The following BMX variants were observed in gnomAD, a reference collection of about 807,000 sequenced individuals.
BMX encodes BMX non-receptor tyrosine kinase, also known as cytoplasmic tyrosine-protein kinase BMX.
A neutral mutation model predicts 59.2 loss-of-function variants in BMX; 31 were observed. That is an observed-to-expected ratio of 0.52 (90% CI 0.39 to 0.71). BMX has a LOEUF of 0.71. BMX is among the 30% of genes least tolerant of loss of function. The probability of loss-of-function intolerance (pLI) is 0.00; values close to 1 mark genes in which losing one functional copy is unlikely to be tolerated. For synonymous variants in BMX, 185 were observed against 181.0 expected (o/e 1.02, Z -0.18); for missense variants, 474 against 491.7 (o/e 0.96, Z 0.34).
intron 3 of BMX, among the ~76,000 whole-genome samples, 178 bp downstream of exon 3, chrX:15,509,611 T>C (rs1923872218): frequency 9.0e-6 from 1 of 110,923 alleles, no homozygotes; most frequent in African/African-American, 3.3e-5. Context: ...CTGCCTTCCC[T>C]GGAGGGAAGG....
chrX:15,503,852 A>G (rs1035078477), intron 1 of BMX, among the ~76,000 whole-genome samples: 2 of 112,042 alleles, frequency 1.8e-5, no homozygotes. Flanking sequence ...ATAAGCAGGG[A>G]ATGATGTTAC....
intron 17 of BMX, among the ~76,000 whole-genome samples, chrX:15,548,388 CAG>C (rs1361715243): frequency 2.7e-5 from 3 of 110,784 alleles, no homozygotes; most frequent in Non-Finnish European, 5.7e-5. Flanking sequence ...ACCTGGGAGG[CAG>C]AGTTTACAGT....
At chrX:15,522,260 T>C in intron 6 of BMX, 86 bp from the exon 7 acceptor site, 1 of 1,083,919 alleles carries the variant, frequency 9.2e-7, no homozygotes. Context: ...TCTCTCTCTT[T>C]CAAGAGCTGA....
chrX:15,519,275 C>A (rs1474639022), intron 6 of BMX, among the ~76,000 whole-genome samples: 1 of 112,100 alleles, frequency 8.9e-6, no homozygotes, highest in Admixed American at 9.4e-5. Flanking sequence ...TTCGCACACA[C>A]TTCTCTCTTT....
chrX:15,552,100 G>C (rs1215277299), intron 18 of BMX, among the ~76,000 whole-genome samples: 1 of 112,041 alleles, frequency 8.9e-6, no homozygotes, highest in African/African-American at 3.2e-5. Context: ...TTTTTACTTT[G>C]TCCTTTGCTA....
intron 4 of BMX, among the ~76,000 whole-genome samples, chrX:15,512,934 C>T (rs965311821): frequency 1.8e-5 from 2 of 111,184 alleles, no homozygotes; most frequent in Admixed American, 1.9e-4. Context: ...CTGAGCAGCT[C>T]ATGTGAAGAC....
chrX:15,537,413 G>GT, intron 14 of BMX, 108 bp downstream of exon 14: 1 of 806,821 alleles, frequency 1.2e-6, no homozygotes, highest in Non-Finnish European at 1.8e-6. Context: ...TCCACATACT[G>GT]TATCATAGAC....
In BMX at chrX:15,549,822, C is replaced by T; in HGVS notation, c.1796-18C>T. ...CTCTCTTCCTTTTTTATCTGGGCCA[C>T]CTCTTGGTGTGGTGCAGGGATCCTG... On this transcript the variant is annotated intron_variant, in intron 17 of 18. Coordinates refer to ENST00000348343, the MANE Select transcript of BMX (RefSeq NM_203281.3). The T allele has an allele frequency of 2.5e-6, 3 of 1,191,215 alleles. No individual in the cohort carries two copies. The highest frequency in any genetic ancestry group is 2.3e-6 in the Non-Finnish European group (2 of 883,610).
chrX:15,513,058 G>T (rs1924023121), intron 4 of BMX, among the ~76,000 whole-genome samples: 1 of 112,566 alleles, frequency 8.9e-6, no homozygotes, highest in South Asian at 3.6e-4. Flanking sequence ...TAAGTGGTTT[G>T]TCTCTATGCA....
chrX:15,503,285 G>A (rs1456646010), intron 1 of BMX, among the ~76,000 whole-genome samples: 1 of 111,998 alleles, frequency 8.9e-6, no homozygotes, highest in African/African-American at 3.3e-5. Context: ...TTCAAATTTT[G>A]CTATTTAACA....
At chrX:15,503,657 T>G (rs1189296456) in intron 1 of BMX, among the ~76,000 whole-genome samples, 1 of 111,961 alleles carries the variant, frequency 8.9e-6, no homozygotes, top group Non-Finnish European at 1.9e-5. Context: ...ATGACTGCCT[T>G]CCTGTATTTA....
Position 15,542,288 on chromosome X carries a change from G to T in BMX, c.1611+90G>T. 8 of 842,455 alleles carry T rather than the reference G, an allele frequency of 9.5e-6. No homozygotes were observed. In the South Asian group the frequency reaches 1.8e-4, roughly 19 times the overall value. 69.4% of individuals were successfully genotyped at this position (842,455 alleles called of 1,213,427 possible). ...GGGTCACTGGTAGGGAAGGCAAGAA[G>T]GGCACCATCACTTCTACTTTGCTCA... On this transcript the variant is annotated intron_variant, in intron 15 of 18. Transcript: ENST00000348343.
rs1477659463 is a variant in BMX at position 15,527,216 on chromosome X, A to C, written c.884+1121A>C. 3.7e-5 allele frequency among the ~76,000 whole-genome samples: 3 copies of C among 80,530 alleles called. No individual in the cohort carries two copies. The Admixed American group carries it at 4.2e-4, about 11-fold the overall frequency. 69.9% of individuals were successfully genotyped at this position (80,530 alleles called of 115,157 possible). On this transcript the variant is annotated intron_variant, in intron 9 of 18. Coordinates refer to ENST00000348343, the MANE Select transcript of BMX (RefSeq NM_203281.3). ...CTCAAAAAAAAAAAAAAAAAAAAAA[A>C]ACAACACAAACACACACACACACAC...
At chrX:15,543,997 A>T (rs905971626) in intron 16 of BMX, among the ~76,000 whole-genome samples, 1 of 111,677 alleles carries the variant, frequency 9.0e-6, no homozygotes, top group Non-Finnish European at 1.9e-5. Flanking sequence ...TATGAATAGG[A>T]TAGTCCCTGC....
At position 15,549,836 on chromosome X, in the gene BMX, G is replaced by A. The variant is rs751992106; in HGVS notation, c.1796-4G>A. On this transcript the variant is annotated splice_region_variant and splice_polypyrimidine_tract_variant and intron_variant, in intron 17 of 18. Transcript: ENST00000348343. Reference sequence around the variant, plus strand: ...TATCTGGGCCACCTCTTGGTGTGGTGCAGGGATCCTGATGTGGGAGGTGTT... The same window carrying A: ...TATCTGGGCCACCTCTTGGTGTGGTACAGGGATCCTGATGTGGGAGGTGTT... 35 of 1,202,649 alleles carry A rather than the reference G, an allele frequency of 2.9e-5. No individual in the cohort carries two copies. The highest frequency in any genetic ancestry group is 3.5e-5 in the Non-Finnish European group (31 of 891,165).
chrX:15,529,380 G>A (rs1203299383), intron 9 of BMX, among the ~76,000 whole-genome samples: 2 of 111,171 alleles, frequency 1.8e-5, no homozygotes, highest in African/African-American at 6.6e-5. Flanking sequence ...TAGCCAGTGG[G>A]TCCTCCCACT....
At chrX:15,530,104 T>G (rs1430717333) in intron 10 of BMX, 77 bp downstream of exon 10, 2 of 962,088 alleles carry the variant, frequency 2.1e-6, no homozygotes, top group African/African-American at 1.9e-5. Flanking sequence ...GCATTTCTCA[T>G]AGAAACCTTC....
At chrX:15,502,954 C>T (rs773359559) in intron 1 of BMX, among the ~76,000 whole-genome samples, 1 of 111,628 alleles carries the variant, frequency 9.0e-6, no homozygotes, top group African/African-American at 3.3e-5. Flanking sequence ...TACTGCCCTC[C>T]CACCACATGT....
At chrX:15,539,498 GA>G (rs1925549615) in intron 14 of BMX, among the ~76,000 whole-genome samples, 2 of 111,358 alleles carry the variant, frequency 1.8e-5, no homozygotes, top group Non-Finnish European at 3.8e-5. Flanking sequence ...CCTTCCCTCT[GA>G]AGGGAGCAGT....
Sources: gnomAD v4.1 joint callset for allele counts (sites outside exome capture counted in the v4.1 genomes callset) on GRCh38, gnomAD v4.1.1 for gene constraint, MANE v1.5 for transcripts, NCBI Gene and HGNC (gene_info 2026-07-23, HGNC 2026-07-21) for gene names.